SMC6: variants seen among roughly 807,000 people sequenced by gnomAD.
SMC6 encodes the protein structural maintenance of chromosomes 6.
Under a neutral mutation model 142.2 loss-of-function variants are expected in SMC6, and 79 were observed. That is an observed-to-expected ratio of 0.56 (90% confidence interval 0.46 to 0.67). The LOEUF (loss-of-function observed/expected upper bound fraction) is 0.67. Ranked by LOEUF, SMC6 falls within the 30% of genes least tolerant of loss-of-function variation. The pLI, the probability that SMC6 is intolerant of heterozygous loss-of-function variation, is 0.00. For missense variants in SMC6, 1,072 were observed against 1,284.0 expected, an observed-to-expected ratio of 0.83 and a Z score of 2.52; for synonymous variants, 411 against 412.4, an observed-to-expected ratio of 1.00 and a Z score of 0.04.
At chr2:17,706,617 A>T (rs1668524303) in intron 18 of SMC6, among the ~76,000 whole-genome samples, 1 of 152,044 alleles carries the variant, frequency 6.6e-6, no homozygotes, top group Admixed American at 6.6e-5. Context: ...CAAACCATCA[A>T]TTCATCAACT....
chr2:17,713,643 T>C, intron 16 of SMC6: 1 of 409,590 alleles, frequency 2.4e-6, no homozygotes, highest in Non-Finnish European at 5.2e-6. Context: ...CTTCAGCTAG[T>C]CACTCTAACC....
intron 2 of SMC6, among the ~76,000 whole-genome samples, chr2:17,750,438 CT>C (rs1670967974): frequency 6.6e-6 from 1 of 152,066 alleles, no homozygotes; most frequent in Non-Finnish European, 1.5e-5. Context: ...AAATATTGCC[CT>C]TATTTTTACA....
At chr2:17,733,886 G>C (rs1670021843) in intron 5 of SMC6, among the ~76,000 whole-genome samples, 1 of 152,200 alleles carries the variant, frequency 6.6e-6, no homozygotes, top group Non-Finnish European at 1.5e-5. Flanking sequence ...AGGACAGTAA[G>C]ACTTATAAAT....
intron 25 of SMC6, among the ~76,000 whole-genome samples, chr2:17,677,858 T>C (rs1667069096): frequency 6.6e-6 from 1 of 152,132 alleles, no homozygotes; most frequent in African/African-American, 2.4e-5. Flanking sequence ...GCAGAGCTTT[T>C]AAACAAAAAA....
chr2:17,692,357 G>C (rs1455349834), intron 23 of SMC6, among the ~76,000 whole-genome samples: 3 of 152,132 alleles, frequency 2.0e-5, no homozygotes, highest in Non-Finnish European at 2.9e-5. Context: ...CCAAAACAGA[G>C]ATATAGACCA....
chr2:17,694,932 TTA>T (rs1667919739), intron 23 of SMC6, among the ~76,000 whole-genome samples: 1 of 152,288 alleles, frequency 6.6e-6, no homozygotes. Context: ...ACGAAAGCAT[TTA>T]TGTTAAAATG....
chr2:17,710,869 T>C (rs1487183958), intron 16 of SMC6, among the ~76,000 whole-genome samples: 2 of 152,052 alleles, frequency 1.3e-5, no homozygotes, highest in African/African-American at 4.8e-5. Context: ...GAGTTTTTCC[T>C]GAAAAGGGAA....
intron 25 of SMC6, among the ~76,000 whole-genome samples, chr2:17,676,786 G>A (rs1667010971): frequency 6.6e-6 from 1 of 152,018 alleles, no homozygotes; most frequent in Non-Finnish European, 1.5e-5. Flanking sequence ...TTTTTCCCTA[G>A]GTAGTTTATA....
chr2:17,715,147 T>G, intron 15 of SMC6, 82 bp from the exon 16 acceptor site: 2 of 1,269,514 alleles, frequency 1.6e-6, no homozygotes, highest in South Asian at 2.7e-5. Flanking sequence ...TTATAGCATA[T>G]AAATGACTTA....
chr2:17,682,140 ACT>A (rs1667265667), intron 24 of SMC6: 2 of 152,192 alleles, frequency 1.3e-5, no homozygotes, highest in South Asian at 4.2e-4. Context: ...GCATTTTCAG[ACT>A]CTGGCTATCT....
intron 18 of SMC6, among the ~76,000 whole-genome samples, chr2:17,706,403 T>G (rs1318192993): frequency 1.3e-5 from 2 of 152,176 alleles, no homozygotes; most frequent in African/African-American, 4.8e-5. Flanking sequence ...CCAACATCCA[T>G]TATGGTTATT....
chr2:17,665,677 T>TGG, intron 27 of SMC6, 64 bp from the exon 28 acceptor site: 1 of 910,098 alleles, frequency 1.1e-6, no homozygotes, highest in Non-Finnish European at 1.7e-6. Flanking sequence ...AAAAAAATTC[T>TGG]AATATTACCT....
intron 16 of SMC6, chr2:17,713,604 G>C (rs929857220): frequency 1.1e-5 from 5 of 462,866 alleles, no homozygotes; most frequent in Non-Finnish European, 2.3e-5. Flanking sequence ...TCAGATTCAA[G>C]AAGGACATTC....
At chr2:17,737,133 A>G (rs940496741) in intron 5 of SMC6, among the ~76,000 whole-genome samples, 3 of 152,126 alleles carry the variant, frequency 2.0e-5, no homozygotes, top group African/African-American at 7.2e-5. Flanking sequence ...ATGGGAAATA[A>G]TCTTCTGTGT....
rs763328076 is a variant in SMC6 at position 17,718,144 on chromosome 2, C to T, written c.1025G>A (p.Arg342Gln). 4 of 1,611,612 alleles carry T rather than the reference C, an allele frequency of 2.5e-6. No individual in the cohort carries two copies. The highest frequency in any genetic ancestry group is 2.2e-5 in the South Asian group (2 of 90,802). Reference protein sequence around the residue: ...LEKISEETNARAPECMALKAD... With the variant: ...LEKISEETNAQAPECMALKAD... ...TTTCAATGCCATACATTCTGGTGCT[C>T]GTGCATTTGTCTCTTCACTAATCTT... The change falls in exon 12 of 28, where the codon CGA becomes CAA. Residue 342 changes from arginine (R) to glutamine (Q), a missense_variant. Physicochemically the swap from Arg to Gln is conservative, Grantham distance 43. Around this residue, in one of 3 missense-constraint regions of SMC6, gnomAD observed 994 missense variants for 1,153.2 expected, o/e 0.86. Coordinates refer to ENST00000448223, the MANE Select transcript of SMC6 (RefSeq NM_001142286.2).
chr2:17,705,730 AT>A (rs1668478464), intron 18 of SMC6, among the ~76,000 whole-genome samples: 1 of 152,190 alleles, frequency 6.6e-6, no homozygotes, highest in African/African-American at 2.4e-5. Flanking sequence ...AAACTAATAA[AT>A]TTTACAACTT....
At chr2:17,704,408 A>C (rs1042114902) in intron 18 of SMC6, among the ~76,000 whole-genome samples, 1 of 152,202 alleles carries the variant, frequency 6.6e-6, no homozygotes, top group African/African-American at 2.4e-5. Context: ...AGAATAAATA[A>C]AGTACCAGAT....
chr2:17,705,907 A>T (rs2124955988), intron 18 of SMC6, among the ~76,000 whole-genome samples: 1 of 152,290 alleles, frequency 6.6e-6, no homozygotes, highest in Admixed American at 6.5e-5. Flanking sequence ...CTTTCCTGAC[A>T]GCCTATCTAA....
chr2:17,666,526 CA>C lies in SMC6; in HGVS notation c.3064-10del, dbSNP rs777542730. ...CTCCTATTAACCATATCCTGAAAAA[CA>C]AAGGCAAAAGTTAGGATTGCTATTG... On this transcript the variant is annotated splice_polypyrimidine_tract_variant and intron_variant, in intron 26 of 27. Transcript: ENST00000448223. The C allele has an allele frequency of 1.2e-6, 2 of 1,606,900 alleles. No homozygotes were observed. The highest frequency in any genetic ancestry group is 2.2e-5 in the South Asian group (2 of 90,680).
Sources: allele counts gnomAD v4.1 joint callset (sites outside exome capture counted in the v4.1 genomes callset), GRCh38; gene constraint gnomAD v4.1.1; regional missense constraint gnomAD v4.1.1; transcripts MANE v1.5; gene names NCBI Gene and HGNC (gene_info 2026-07-23, HGNC 2026-07-21).